Variants in STAG1 observed in about 807,000 individuals in gnomAD.
The protein encoded by STAG1 is cohesin subunit SA-1.
Under a neutral mutation model 170.9 loss-of-function variants are expected in STAG1, and 26 were observed. The observed-to-expected ratio is 0.15, with a 90% CI of 0.11 to 0.21. The LOEUF (loss-of-function observed/expected upper bound fraction) is 0.21. STAG1 is among the 10% of genes least tolerant of loss of function. The probability of loss-of-function intolerance (pLI) is 1.00; values close to 1 mark genes in which losing one functional copy is unlikely to be tolerated. For missense variants in STAG1, 964 were observed against 1,509.5 expected (o/e 0.64, Z 5.99); for synonymous variants, 514 against 497.7 (o/e 1.03, Z -0.44).
chr3:136,727,233 T>C (rs1933739209), intron 1 of STAG1, among the ~76,000 whole-genome samples: 1 of 152,164 alleles, frequency 6.6e-6, no homozygotes, highest in African/African-American at 2.4e-5. Flanking sequence ...TTGGACAGCC[T>C]TAAGTAATAG....
At chr3:136,545,886 T>C (rs1475028761) in intron 5 of STAG1, among the ~76,000 whole-genome samples, 1 of 152,296 alleles carries the variant, frequency 6.6e-6, no homozygotes, top group Non-Finnish European at 1.5e-5. Context: ...AAAAAACTAA[T>C]GTATTTTTTC....
chr3:136,701,436 A>G (rs1943057907), intron 1 of STAG1, among the ~76,000 whole-genome samples: 1 of 152,152 alleles, frequency 6.6e-6, no homozygotes, highest in Admixed American at 6.6e-5. Flanking sequence ...CTAAAAGGAA[A>G]ATAGTCTCTA....
At chr3:136,548,397 A>T (rs1359513741) in intron 5 of STAG1, among the ~76,000 whole-genome samples, 1 of 152,166 alleles carries the variant, frequency 6.6e-6, no homozygotes, top group Non-Finnish European at 1.5e-5. Flanking sequence ...TACGGGTGTG[A>T]GCCACTGAAC....
In STAG1 at chr3:136,359,237, G is replaced by C; in HGVS notation, c.2847C>G (p.Val949=). 1 of 1,613,536 alleles carries C rather than the reference G, an allele frequency of 6.2e-7. No homozygotes were observed. Among genetic ancestry groups the C allele is most frequent in the South Asian group, 1.1e-5 (1 of 91,012 alleles). The change falls in exon 27 of 34, where the codon GTC becomes GTG. Residue 949 remains valine (V), a synonymous_variant. Transcript: ENST00000383202. The part of the protein sequence containing the change: ...GPNLDRTSAH[V]SGIKELARRF... ...GACGTGCCAGTTCTTTAATGCCACT[G>C]ACATGGGCAGATGTCCTATCTAGGT...
At chr3:136,548,341 T>G (rs1481717176) in intron 5 of STAG1, among the ~76,000 whole-genome samples, 1 of 152,114 alleles carries the variant, frequency 6.6e-6, no homozygotes, top group African/African-American at 2.4e-5. Context: ...CTCAAACTCA[T>G]GGGCTCAAGT....
intron 9 of STAG1, among the ~76,000 whole-genome samples, chr3:136,484,523 G>GT (rs1418164050): frequency 7.0e-6 from 1 of 143,602 alleles, no homozygotes; most frequent in Admixed American, 7.0e-5. Context: ...GGTTACTGCT[G>GT]TCTTTTTGTT....
chr3:136,745,621 G>C (rs1353322653), intron 1 of STAG1, among the ~76,000 whole-genome samples: 1 of 152,188 alleles, frequency 6.6e-6, no homozygotes, highest in African/African-American at 2.4e-5. Flanking sequence ...ATGGAGCACA[G>C]GTGATAAAGC....
chr3:136,547,193 G>A (rs1465217605), intron 5 of STAG1, among the ~76,000 whole-genome samples: 1 of 152,144 alleles, frequency 6.6e-6, no homozygotes, highest in Non-Finnish European at 1.5e-5. Context: ...ATAGTATAGA[G>A]ATCCCATACA....
chr3:136,652,644 A>AT (rs1478988359), intron 1 of STAG1, among the ~76,000 whole-genome samples: 1 of 152,196 alleles, frequency 6.6e-6, no homozygotes, highest in Non-Finnish European at 1.5e-5. Flanking sequence ...GAATCTACAA[A>AT]TTATTAGACT....
At chr3:136,597,267 TTTTC>T (rs749804840) in intron 4 of STAG1, among the ~76,000 whole-genome samples, 4 of 152,164 alleles carry the variant, frequency 2.6e-5, no homozygotes, top group Non-Finnish European at 5.9e-5. Context: ...ATTGAATTGG[TTTTC>T]TTTAATGTTA....
At chr3:136,672,684 A>G (rs984176932) in intron 1 of STAG1, among the ~76,000 whole-genome samples, 2 of 152,292 alleles carry the variant, frequency 1.3e-5, no homozygotes, top group Admixed American at 6.5e-5. Context: ...CAATGTTTTA[A>G]CCACTCCACT....
intron 1 of STAG1, among the ~76,000 whole-genome samples, chr3:136,644,397 G>A (rs1013173594): frequency 1.3e-5 from 2 of 152,170 alleles, no homozygotes; most frequent in East Asian, 3.9e-4. Context: ...CCTGCCAGCT[G>A]CCCAAGGCAA....
chr3:136,576,474 A>G (rs1576625521), intron 4 of STAG1, among the ~76,000 whole-genome samples: 1 of 152,208 alleles, frequency 6.6e-6, no homozygotes, highest in South Asian at 2.1e-4. Context: ...GATTACATTC[A>G]TATGACAAAA....
intron 1 of STAG1, among the ~76,000 whole-genome samples, chr3:136,731,970 A>G (rs1934067608): frequency 1.3e-5 from 2 of 152,190 alleles, no homozygotes; most frequent in African/African-American, 4.8e-5. Context: ...TTTCAAATCA[A>G]AAACTGCATT....
intron 3 of STAG1, among the ~76,000 whole-genome samples, chr3:136,610,235 C>T (rs1365913399): frequency 6.6e-6 from 1 of 152,060 alleles, no homozygotes; most frequent in Non-Finnish European, 1.5e-5. Context: ...TGGGATTTCA[C>T]CATATTGGCC....
At chr3:136,652,818 G>A (rs1457270776) in intron 1 of STAG1, among the ~76,000 whole-genome samples, 3 of 152,114 alleles carry the variant, frequency 2.0e-5, no homozygotes, top group Admixed American at 2.0e-4. Context: ...CTCAACCTCG[G>A]CATTATTGAC....
chr3:136,524,027 A>G (rs1025834968), intron 6 of STAG1, among the ~76,000 whole-genome samples: 45 of 152,214 alleles, frequency 3.0e-4, no homozygotes, highest in African/African-American at 9.4e-4. Context: ...GTCAGGTAGC[A>G]TGATGCCTCC....
chr3:136,698,612 C>A (rs1223178317), intron 1 of STAG1, among the ~76,000 whole-genome samples: 1 of 152,124 alleles, frequency 6.6e-6, no homozygotes, highest in East Asian at 1.9e-4. Context: ...AGTAGAACTA[C>A]CATTTGATCC....
chr3:136,510,613 G>GTTT (rs869278058), intron 7 of STAG1, among the ~76,000 whole-genome samples: 2 of 131,216 alleles, frequency 1.5e-5, no homozygotes, highest in African/African-American at 2.8e-5. Flanking sequence ...GGATGTCTTT[G>GTTT]TTTTTTTTTT....
Sources: allele counts gnomAD v4.1 joint callset (sites outside exome capture counted in the v4.1 genomes callset), GRCh38; gene constraint gnomAD v4.1.1; transcripts MANE v1.5; gene names NCBI Gene and HGNC (gene_info 2026-07-23, HGNC 2026-07-21).